NAALADL2: variants seen among roughly 807,000 people sequenced by gnomAD.
The protein encoded by NAALADL2 is N-acetylated alpha-linked acidic dipeptidase like 2, also known as inactive N-acetylated-alpha-linked acidic dipeptidase-like protein 2.
NAALADL2 carries 76 observed loss-of-function variants against 87.2 expected under a neutral mutation model. That is an observed-to-expected ratio of 0.87 (90% confidence interval 0.72 to 1.05). The LOEUF is 1.05. NAALADL2 is among the 50% of genes least tolerant of loss of function. NAALADL2 has a pLI of 0.00. For synonymous variants in NAALADL2, 354 were observed against 331.0 expected (o/e 1.07, Z -0.75); for missense variants, 1,089 against 945.8 (o/e 1.15, Z -1.99).
intron 1 of NAALADL2, among the ~76,000 whole-genome samples, chr3:174,476,502 G>A (rs1371804627): frequency 6.6e-6 from 1 of 151,422 alleles, no homozygotes; most frequent in Non-Finnish European, 1.5e-5. Context: ...TTTCCTTATA[G>A]TGTCCAAATT....
chr3:174,689,758 G>A (rs186679099), intron 2 of NAALADL2, among the ~76,000 whole-genome samples: 40 of 152,044 alleles, frequency 2.6e-4, no homozygotes, highest in Middle Eastern at 3.4e-3. Flanking sequence ...TCAATTGGTG[G>A]GTGTTGAATT....
At chr3:175,737,714 GTTTTTTT>G (rs71164650) in intron 12 of NAALADL2, among the ~76,000 whole-genome samples, 19 of 54,760 alleles carry the variant, frequency 3.5e-4, no homozygotes, top group South Asian at 8.3e-4. Context: ...CAATGATCCA[GTTTTTTT>G]TTTTTTTTTT....
At chr3:175,015,506 G>T (rs987820200) in intron 1 of NAALADL2, among the ~76,000 whole-genome samples, 2 of 152,052 alleles carry the variant, frequency 1.3e-5, no homozygotes, top group Non-Finnish European at 2.9e-5. Context: ...AAAGCATAAA[G>T]ATACTTAATT....
chr3:175,350,133 T>A (rs16825525), intron 5 of NAALADL2, among the ~76,000 whole-genome samples: 1 of 152,014 alleles, frequency 6.6e-6, no homozygotes, highest in African/African-American at 2.4e-5. Flanking sequence ...CTTGGCAATG[T>A]GTTTTTCCCT....
intron 2 of NAALADL2, among the ~76,000 whole-genome samples, chr3:175,121,711 A>G (rs548420767): frequency 3.9e-5 from 6 of 151,960 alleles, no homozygotes; most frequent in African/African-American, 1.2e-4. Context: ...CATCCTCCCT[A>G]TGCAGGTCCT....
intron 3 of NAALADL2, among the ~76,000 whole-genome samples, chr3:174,784,619 T>C (rs977740674): frequency 3.3e-5 from 5 of 152,214 alleles, no homozygotes; most frequent in African/African-American, 1.2e-4. Flanking sequence ...ATTGAAGTCG[T>C]TGAGTAATTT....
At chr3:175,396,773 A>C (rs532802981) in intron 5 of NAALADL2, among the ~76,000 whole-genome samples, 1 of 152,196 alleles carries the variant, frequency 6.6e-6, no homozygotes, top group East Asian at 1.9e-4. Flanking sequence ...GAGTCCTCAC[A>C]AGATCTAATG....
At chr3:175,647,942 G>A (rs1309665198) in intron 11 of NAALADL2, among the ~76,000 whole-genome samples, 1 of 152,178 alleles carries the variant, frequency 6.6e-6, no homozygotes, top group East Asian at 1.9e-4. Flanking sequence ...TACTTTACAA[G>A]GTTGATTTGG....
intron 3 of NAALADL2, among the ~76,000 whole-genome samples, chr3:174,738,871 C>T (rs953839054): frequency 6.6e-6 from 1 of 151,764 alleles, no homozygotes. Context: ...ACTTTTTGAC[C>T]ATAAAATGCA....
At chr3:175,586,826 T>G (rs1314600622) in intron 10 of NAALADL2, among the ~76,000 whole-genome samples, 2 of 152,198 alleles carry the variant, frequency 1.3e-5, no homozygotes, top group African/African-American at 4.8e-5. Flanking sequence ...TATAAGAATT[T>G]TGGGTAAATG....
intron 3 of NAALADL2, among the ~76,000 whole-genome samples, chr3:174,759,986 A>G (rs1191588302): frequency 6.6e-6 from 1 of 152,196 alleles, no homozygotes; most frequent in Admixed American, 6.5e-5. Flanking sequence ...GGCATGAGCC[A>G]CTGTGCTCGG....
At chr3:175,788,739 C>T (rs142198894) in intron 13 of NAALADL2, among the ~76,000 whole-genome samples, 5 of 152,202 alleles carry the variant, frequency 3.3e-5, no homozygotes, top group African/African-American at 1.2e-4. Context: ...GCTAGATGGT[C>T]ACATAAATAT....
chr3:174,687,457 A>G (rs1158029705), intron 2 of NAALADL2, among the ~76,000 whole-genome samples: 1 of 152,112 alleles, frequency 6.6e-6, no homozygotes, highest in Non-Finnish European at 1.5e-5. Context: ...TATTGGATTT[A>G]GAGGTGATTC....
At chr3:175,613,942 C>T (rs1725001363) in intron 10 of NAALADL2, among the ~76,000 whole-genome samples, 1 of 152,174 alleles carries the variant, frequency 6.6e-6, no homozygotes, top group South Asian at 2.1e-4. Context: ...TAGATATTCT[C>T]TTTGGGGAAT....
chr3:174,691,490 A>G (rs1728579339), intron 2 of NAALADL2, among the ~76,000 whole-genome samples: 1 of 152,092 alleles, frequency 6.6e-6, no homozygotes, highest in Non-Finnish European at 1.5e-5. Flanking sequence ...AGCCTTCAGC[A>G]AGTCCTAATT....
At chr3:174,500,639 TC>T (rs1718820481) in intron 1 of NAALADL2, among the ~76,000 whole-genome samples, 1 of 152,182 alleles carries the variant, frequency 6.6e-6, no homozygotes, top group East Asian at 1.9e-4. Flanking sequence ...TCTATTCCTA[TC>T]CTTCTATTCC....
At chr3:175,611,025 G>A (rs984102551) in intron 10 of NAALADL2, among the ~76,000 whole-genome samples, 1 of 152,008 alleles carries the variant, frequency 6.6e-6, no homozygotes, top group Admixed American at 6.6e-5. Flanking sequence ...GAGAGCTAAA[G>A]TGCATAATTA....
chr3:175,646,430 G>GT, intron 11 of NAALADL2, among the ~76,000 whole-genome samples: 1 of 152,052 alleles, frequency 6.6e-6, no homozygotes, highest in South Asian at 2.1e-4. Flanking sequence ...TATGTGGATG[G>GT]TTTTTCCAAA....
intron 5 of NAALADL2, among the ~76,000 whole-genome samples, chr3:175,385,521 C>T (rs1451727030): frequency 6.6e-6 from 1 of 151,930 alleles, no homozygotes; most frequent in African/African-American, 2.4e-5. Context: ...CTAATGGGTA[C>T]AATTATACAC....
Sources: allele counts gnomAD v4.1 joint callset (sites outside exome capture counted in the v4.1 genomes callset), GRCh38; gene constraint gnomAD v4.1.1; transcripts MANE v1.5; gene names NCBI Gene and HGNC (gene_info 2026-07-23, HGNC 2026-07-21).